Variants in SCRIB observed in about 807,000 individuals in gnomAD.
SCRIB encodes scribble planar cell polarity protein, also known as protein scribble homolog.
Under a neutral mutation model 170.0 loss-of-function variants are expected in SCRIB, and 72 were observed. That is an observed-to-expected ratio of 0.42 (90% CI 0.35 to 0.52). SCRIB has a LOEUF of 0.52. Among genes scored for constraint, SCRIB ranks in the 20% least tolerant of loss-of-function variants. The probability of loss-of-function intolerance (pLI) is 0.02; values close to 1 mark genes in which losing one functional copy is unlikely to be tolerated. For missense variants in SCRIB, 2,475 were observed against 2,338.5 expected, an observed-to-expected ratio of 1.06 and a Z score of -1.20; for synonymous variants, 1,298 against 1,044.3, an observed-to-expected ratio of 1.24 and a Z score of -4.68.
chr8:143,809,462 A>G, intron 14 of SCRIB, 89 bp downstream of exon 14: 3 of 1,443,468 alleles, frequency 2.1e-6, no homozygotes, highest in Non-Finnish European at 2.8e-6. Flanking sequence ...CACTGCCTGC[A>G]CCAAAACCGA....
intron 24 of SCRIB, among the ~76,000 whole-genome samples, chr8:143,798,376 G>GGATGCGGACTGTACGTCCCA (rs149271562): frequency 2.3e-5 from 2 of 87,378 alleles, no homozygotes; most frequent in Non-Finnish European, 3.6e-5. Flanking sequence ...TGAGAACACA[G>GGATGCGGACTGTACGTCCCA]GATGCGGACT....
rs1554633583 is a variant in SCRIB, at chr8:143,793,981, G to A, written c.3847-19C>T. 1 of 1,610,862 alleles carries A rather than the reference G, an allele frequency of 6.2e-7. No homozygotes were observed. The highest frequency in any genetic ancestry group is 8.5e-7 in the Non-Finnish European group (1 of 1,178,130). On this transcript the variant is annotated intron_variant, in intron 27 of 36. Coordinates refer to ENST00000356994, the MANE Select transcript of SCRIB (RefSeq NM_182706.5). The stretch of plus-strand genomic sequence containing the variant: ...ACGGTACCTGGAGGAGTAGGCAGTG[G>A]GTGGGGTGAGGATGGGCAGGGCTGT...
chr8:143,803,860 C>G lies in SCRIB; in HGVS notation c.3201G>C (p.Arg1067=), dbSNP rs537285069. 1.2e-4 allele frequency: 188 copies of G among 1,601,878 alleles called. 1 individual carries two copies. In the South Asian group the frequency reaches 1.9e-3, roughly 16 times the overall value. Residue 1067 remains arginine (R), a synonymous_variant, in exon 23 of 37, where the codon CGG becomes CGC. Coordinates refer to ENST00000356994, the MANE Select transcript of SCRIB (RefSeq NM_182706.5). Reference sequence around the variant, plus strand: ...TGACTGCTTCTTGGTGCGTGGCATCCCGCACGTCTTGCCCGTTCACTGCCA... The same window carrying G: ...TGACTGCTTCTTGGTGCGTGGCATCGCGCACGTCTTGCCCGTTCACTGCCA... ...RILAVNGQDV[R]DATHQEAVSA...
At position 143,811,387 on chromosome 8, in the gene SCRIB, G is replaced by A. The variant is rs763909833; in HGVS notation, c.907-42C>T. The A allele has an allele frequency of 9.5e-6, 15 of 1,572,480 alleles. No individual in the cohort carries two copies. In the Admixed American group the frequency reaches 1.0e-4, roughly 11 times the overall value. ...GGTCAGAGGACGCTAGGGGCTTGCT[G>A]GGGGTGGGAAGGAGATGACAGCCCC... On this transcript the variant is annotated intron_variant, in intron 9 of 36. Transcript: ENST00000356994.
Position 143,805,170 on chromosome 8 carries a change from C to G in SCRIB, c.2612G>C (p.Gly871Ala), listed in dbSNP as rs781957968. 3.2e-6 allele frequency: 5 copies of G among 1,574,966 alleles called. No individual in the cohort carries two copies. The East Asian group carries it at 9.0e-5, about 28-fold the overall frequency. Residue 871 changes from glycine (G) to alanine (A), a missense_variant, in exon 19 of 37, where the codon GGG (glycine) becomes GCG (alanine). By Grantham distance (60) the Gly-to-Ala change is moderately conservative. Transcript: ENST00000356994. The part of the protein sequence containing the change: ...HVACLARSER[G>A]LGFSIAGGKG... ...CCCACCAGCAATGCTGAAGCCCAGC[C>G]CCCTCTCGCTGCGTGCCAGGCAGGC...
In SCRIB at chr8:143,807,575, G is replaced by A; in HGVS notation, c.2155C>T (p.Pro719Ser). The A allele has an allele frequency of 1.2e-6, 2 of 1,613,930 alleles. No homozygotes were observed. Among genetic ancestry groups the A allele is most frequent in the Non-Finnish European group, 1.7e-6 (2 of 1,179,882 alleles). Residue 719 changes from proline to serine, a missense_variant, in exon 16 of 37, where the codon CCT becomes TCT. This residue lies in a region of SCRIB where 1,966 missense variants were observed against 1,742.9 expected (regional missense o/e 1.13). Coordinates refer to ENST00000356994, the MANE Select transcript of SCRIB (RefSeq NM_182706.5). ...FDQANNLLIEPARIEEEELTL... is the reference protein window; with the variant it reads ...FDQANNLLIESARIEEEELTL... ...ACCTCTTCCTCCTCAATGCGAGCAG[G>A]CTCTATCAGCAGGTTATTGGCCTGG...
intron 24 of SCRIB, 44 bp from the exon 25 acceptor site, chr8:143,795,574 G>T (rs782784391): frequency 1.7e-5 from 26 of 1,497,574 alleles, no homozygotes; most frequent in African/African-American, 4.1e-5. Context: ...CTGCAACCCG[G>T]GGTCCCACCT....
Position 143,803,738 on chromosome 8 carries a change from C to A in SCRIB, c.3323G>T (p.Gly1108Val). 1 of 1,598,942 alleles carries A rather than the reference C, an allele frequency of 6.3e-7. No individual in the cohort carries two copies. Residue 1108 changes from glycine (G) to valine (V), a missense_variant, in exon 23 of 37, where the codon GGG becomes GTG. Physicochemically the swap from Gly to Val is moderately radical, Grantham distance 109. Around this residue, in one of 3 missense-constraint regions of SCRIB, gnomAD observed 1,966 missense variants for 1,742.9 expected, o/e 1.13. Transcript: ENST00000356994. ...LRELCIQKAP[G>V]ERLGISIRGG... ...GCGGATGCTGATGCCCAGCCTCTCC[C>A]CAGGTGCCTTCTGGATGCACAGTTC...
intron 13 of SCRIB, 66 bp from the exon 14 acceptor site, chr8:143,809,784 C>A (rs947870614): frequency 6.4e-7 from 1 of 1,555,050 alleles, no homozygotes; most frequent in Non-Finnish European, 8.7e-7. Flanking sequence ...ACCTGGGATG[C>A]CCCCCACGTG....
At chr8:143,809,420 G>A (rs946964375) in intron 14 of SCRIB, 131 bp downstream of exon 14, 17 of 1,059,202 alleles carry the variant, frequency 1.6e-5, no homozygotes, top group South Asian at 4.3e-5. Context: ...CTCTGTACAG[G>A]GCAGCTCCCC....
chr8:143,812,284 G>C lies in SCRIB; in HGVS notation c.888C>G (p.Leu296=), dbSNP rs1008813918. The C allele has an allele frequency of 6.2e-7, 1 of 1,610,430 alleles. No individual in the cohort carries two copies. Among genetic ancestry groups the C allele is most frequent in the Non-Finnish European group, 8.5e-7 (1 of 1,176,854 alleles). The change falls in exon 9 of 37, where the codon CTC becomes CTG. Residue 296 remains leucine (L), a synonymous_variant. Transcript: ENST00000356994. ...GDCENLSELI[L]TENLLMALPR... ...ACCCTACCATCAGCAGGTTCTCCGT[G>C]AGGATCAGCTCAGAGAGGTTCTCAC... is the stretch of plus-strand genomic sequence containing the variant.
rs1487543855 is a variant in SCRIB at position 143,811,018 on chromosome 8, C to A, written c.1161G>T (p.Leu387=). ...GCATGGGCTGCGCCTGGTTCTCTGC[C>A]AGCCACAGGGCCTTGAGATTGAGGT... is the stretch of plus-strand genomic sequence containing the variant. ...LTHLNLKALW[L]AENQAQPMLR... The change falls in exon 11 of 37, where the codon CTG becomes CTT. Residue 387 remains leucine (L), a synonymous_variant. Coordinates refer to ENST00000356994, the MANE Select transcript of SCRIB (RefSeq NM_182706.5). The A allele has an allele frequency of 6.2e-7, 1 of 1,612,164 alleles. No homozygotes were observed. The highest frequency in any genetic ancestry group is 8.5e-7 in the Non-Finnish European group (1 of 1,179,590).
intron 24 of SCRIB, 95 bp from the exon 25 acceptor site, chr8:143,795,625 G>T: frequency 1.9e-6 from 2 of 1,077,834 alleles, no homozygotes; most frequent in Non-Finnish European, 1.4e-6. Context: ...AGTCAGCAAC[G>T]GTGAGCCCAG....
Position 143,803,847 on chromosome 8 carries a change from G to C in SCRIB, c.3214C>G (p.Gln1072Glu), listed in dbSNP as rs781927469. 18 of 1,602,746 alleles carry C rather than the reference G, an allele frequency of 1.1e-5. No homozygotes were observed. The highest frequency in any genetic ancestry group is 1.4e-5 in the Non-Finnish European group (17 of 1,177,350). Residue 1072 changes from glutamine (Q) to glutamate (E), a missense_variant, in exon 23 of 37, where the codon CAA (glutamine) becomes GAA (glutamate). Physicochemically the swap from Gln to Glu is conservative, Grantham distance 29. Around this residue, in one of 3 missense-constraint regions of SCRIB, gnomAD observed 1,966 missense variants for 1,742.9 expected, o/e 1.13. Transcript: ENST00000356994. ...CGGAGCAGGGCACTGACTGCTTCTT[G>C]GTGCGTGGCATCCCGCACGTCTTGC... Reference protein sequence around the residue: ...NGQDVRDATHQEAVSALLRPC... With the variant: ...NGQDVRDATHEEAVSALLRPC...
intron 27 of SCRIB, 40 bp from the exon 28 acceptor site, chr8:143,794,002 G>A: frequency 1.9e-6 from 3 of 1,596,416 alleles, no homozygotes; most frequent in Non-Finnish European, 2.6e-6. Context: ...GATGGGCAGG[G>A]CTGTGGCCCC....
At chr8:143,798,805 C>G (rs1563792756) in intron 24 of SCRIB, among the ~76,000 whole-genome samples, 1 of 151,984 alleles carries the variant, frequency 6.6e-6, no homozygotes, top group Admixed American at 6.5e-5. Flanking sequence ...GTCCTGAGCA[C>G]GCCTGGCCCA....
At chr8:143,801,378 G>A (rs1815164879) in intron 24 of SCRIB, among the ~76,000 whole-genome samples, 1 of 152,224 alleles carries the variant, frequency 6.6e-6, no homozygotes, top group Non-Finnish European at 1.5e-5. Flanking sequence ...ATGGAGCTAT[G>A]TGTTGTTTAA....
At chr8:143,791,795 A>C in intron 34 of SCRIB, 55 bp from the exon 35 acceptor site, 1 of 818,702 alleles carries the variant, frequency 1.2e-6, no homozygotes. Context: ...GGGGGGGATG[A>C]GGGCCACGGG....
chr8:143,795,682 G>A, intron 24 of SCRIB, 152 bp from the exon 25 acceptor site: 1 of 683,482 alleles, frequency 1.5e-6, no homozygotes, highest in Non-Finnish European at 2.6e-6. Flanking sequence ...GGGCAGCCTT[G>A]GAGGGCACTC....
Sources: gnomAD v4.1 joint callset for allele counts (sites outside exome capture counted in the v4.1 genomes callset) on GRCh38, gnomAD v4.1.1 for gene constraint, gnomAD v4.1.1 regional missense constraint, MANE v1.5 for transcripts, NCBI Gene and HGNC (gene_info 2026-07-23, HGNC 2026-07-21) for gene names.